Variants in SELENOT observed in about 807,000 individuals in gnomAD.
The protein encoded by SELENOT is thioredoxin reductase-like selenoprotein T.
SELENOT carries 9 observed loss-of-function variants against 24.3 expected under a neutral mutation model. The observed-to-expected ratio is 0.37, with a 90% CI of 0.22 to 0.65. The LOEUF is 0.65. Ranked by LOEUF, SELENOT falls within the 30% of genes least tolerant of loss-of-function variation. SELENOT has a pLI of 0.60. For missense variants in SELENOT, 166 were observed against 247.6 expected (o/e 0.67, Z 2.21); for synonymous variants, 81 against 86.0 (o/e 0.94, Z 0.32).
chr3:150,628,250 C>T lies in SELENOT; in HGVS notation c.*621C>T, dbSNP rs1726484139. ...TGTGCGTGTGATTACCAGAGAACTACTAAAAAAACCAACTGCTTTTTAAAT... is the reference window on the plus strand; with the variant it reads ...TGTGCGTGTGATTACCAGAGAACTATTAAAAAAACCAACTGCTTTTTAAAT... On this transcript the variant is annotated 3_prime_UTR_variant, in exon 6 of 6. Transcript: ENST00000471696. 6.6e-6 allele frequency: 1 copy of T among 152,430 alleles called. No individual in the cohort carries two copies. Among genetic ancestry groups the T allele is most frequent in the African/African-American group, 2.4e-5 (1 of 41,404 alleles). The allele number at this position is 152,430 out of a possible 1,614,324, so 9.4% of individuals were successfully genotyped here. A position where few individuals can be genotyped will look rare whatever the true frequency, so the allele number is the denominator to read the frequency against.
At position 150,622,374 on chromosome 3, in the gene SELENOT, T is replaced by C. The variant is rs762809356; in HGVS notation, c.138-11T>C. ...CTAAATGACTTAATGGAAACACTTA[T>C]TTTTCTGCAGTGTTTCCTGAGGTTA... is the stretch of plus-strand genomic sequence containing the variant. On this transcript the variant is annotated splice_polypyrimidine_tract_variant and intron_variant, in intron 1 of 5. Transcript: ENST00000471696. 1.5e-6 allele frequency: 2 copies of C among 1,325,230 alleles called. No individual in the cohort carries two copies. Among genetic ancestry groups the C allele is most frequent in the South Asian group, 1.8e-5 (1 of 56,686 alleles). The allele number at this position is 1,325,230 out of a possible 1,614,324, so 82.1% of individuals were successfully genotyped here.
At chr3:150,619,520 A>G (rs913562193) in intron 1 of SELENOT, among the ~76,000 whole-genome samples, 2 of 152,204 alleles carry the variant, frequency 1.3e-5, no homozygotes, top group Non-Finnish European at 2.9e-5. Flanking sequence ...TGGGCAACAG[A>G]GTGAGACTGT....
intron 1 of SELENOT, chr3:150,618,843 C>T (rs1287325639): frequency 6.6e-6 from 1 of 152,100 alleles, no homozygotes; most frequent in African/African-American, 2.4e-5. Flanking sequence ...CTTTAAAAAG[C>T]ACAAAACCAA....
chr3:150,604,810 C>A (rs1414853293), intron 1 of SELENOT, among the ~76,000 whole-genome samples: 7 of 152,078 alleles, frequency 4.6e-5, no homozygotes, highest in Non-Finnish European at 8.8e-5. Flanking sequence ...CCGAGGCTAG[C>A]GGATCACCTG....
intron 1 of SELENOT, among the ~76,000 whole-genome samples, chr3:150,607,717 T>C (rs1357682378): frequency 6.6e-5 from 10 of 152,238 alleles, no homozygotes; most frequent in Non-Finnish European, 1.5e-4. Flanking sequence ...GCGAGAACTT[T>C]CCAGGCAATG....
chr3:150,623,223 A>G, intron 3 of SELENOT, 54 bp downstream of exon 3: 1 of 1,403,236 alleles, frequency 7.1e-7, no homozygotes, highest in Admixed American at 2.9e-5. Context: ...TCAGTGAAAT[A>G]TTCTAATAGA....
intron 1 of SELENOT, among the ~76,000 whole-genome samples, chr3:150,622,106 T>G (rs1314730595): frequency 6.6e-6 from 1 of 152,014 alleles, no homozygotes; most frequent in Non-Finnish European, 1.5e-5. Flanking sequence ...TCTATAAAGT[T>G]TAATGTTCTT....
chr3:150,620,954 A>G (rs1726329667), intron 1 of SELENOT, among the ~76,000 whole-genome samples: 1 of 152,224 alleles, frequency 6.6e-6, no homozygotes, highest in South Asian at 2.1e-4. Context: ...TGATGAATCT[A>G]GATGAAGTGT....
chr3:150,603,562 C>T lies in SELENOT; in HGVS notation c.137+63C>T, dbSNP rs953710037. On this transcript the variant is annotated intron_variant, in intron 1 of 5. Transcript: ENST00000471696. ...CCTCTGCTCGGCGCCATTGGCTACG[C>T]GAGGCCCCGGCTTCGCGGCCTAAAT... The T allele has an allele frequency of 4.7e-6, 7 of 1,488,064 alleles. No individual in the cohort carries two copies. In the South Asian group the frequency reaches 5.2e-5, roughly 11 times the overall value. 92.2% of individuals were successfully genotyped at this position (1,488,064 alleles called of 1,614,324 possible). A position where few individuals can be genotyped will look rare whatever the true frequency, so the allele number is the denominator to read the frequency against.
At chr3:150,619,815 G>A (rs1270339646) in intron 1 of SELENOT, among the ~76,000 whole-genome samples, 1 of 152,176 alleles carries the variant, frequency 6.6e-6, no homozygotes, top group East Asian at 1.9e-4. Context: ...TCTGTTAGCA[G>A]TAGTGATTGC....
At chr3:150,619,834 A>G (rs905116894) in intron 1 of SELENOT, among the ~76,000 whole-genome samples, 5 of 152,212 alleles carry the variant, frequency 3.3e-5, no homozygotes, top group Admixed American at 3.3e-4. Context: ...GCTGCTTCAC[A>G]ACAGAAAAAT....
At chr3:150,603,548 C>A (rs376118041) in intron 1 of SELENOT, 49 bp downstream of exon 1, 208 of 1,527,986 alleles carry the variant, frequency 1.4e-4, no homozygotes, top group Middle Eastern at 5.2e-4. Flanking sequence ...CTCTGCTCGG[C>A]GCCATTGGCT....
chr3:150,606,840 C>G (rs1725976581), intron 1 of SELENOT, among the ~76,000 whole-genome samples: 1 of 152,184 alleles, frequency 6.6e-6, no homozygotes, highest in African/African-American at 2.4e-5. Flanking sequence ...GTGACCTACC[C>G]ACCTTGGCGT....
At chr3:150,612,576 A>G (rs1233576571) in intron 1 of SELENOT, among the ~76,000 whole-genome samples, 2 of 152,216 alleles carry the variant, frequency 1.3e-5, no homozygotes, top group East Asian at 1.9e-4. Flanking sequence ...TTGCTCAATT[A>G]TAAAGTGGGC....
chr3:150,624,344 G>A (rs1221192796), intron 3 of SELENOT, among the ~76,000 whole-genome samples: 2 of 152,144 alleles, frequency 1.3e-5, no homozygotes, highest in African/African-American at 4.8e-5. Flanking sequence ...ACACTTAGCC[G>A]CTTTTGGGAG....
intron 1 of SELENOT, chr3:150,611,629 C>A (rs1220688688): frequency 1.9e-6 from 3 of 1,562,008 alleles, no homozygotes; most frequent in Non-Finnish European, 2.6e-6. Flanking sequence ...TCGATCTTCA[C>A]CTTCTGGGAT....
chr3:150,620,923 T>C (rs1251177206), intron 1 of SELENOT, among the ~76,000 whole-genome samples: 1 of 152,198 alleles, frequency 6.6e-6, no homozygotes, highest in Non-Finnish European at 1.5e-5. Context: ...GAGAAAGCAA[T>C]TGTGGCAGAA....
chr3:150,608,740 T>C (rs978300880), intron 1 of SELENOT, among the ~76,000 whole-genome samples: 1 of 152,194 alleles, frequency 6.6e-6, no homozygotes, highest in Non-Finnish European at 1.5e-5. Context: ...AAAAAATAGC[T>C]GCAGCATGTA....
chr3:150,603,629 T>G, intron 1 of SELENOT, 130 bp downstream of exon 1: 1 of 1,113,616 alleles, frequency 9.0e-7, no homozygotes, highest in Non-Finnish European at 1.2e-6. Flanking sequence ...GCCGGCGCCC[T>G]TCCACAGCCA....
Sources: allele counts gnomAD v4.1 joint callset (sites outside exome capture counted in the v4.1 genomes callset), GRCh38; gene constraint gnomAD v4.1.1; transcripts MANE v1.5; gene names NCBI Gene and HGNC (gene_info 2026-07-23, HGNC 2026-07-21).